SNX18: variants seen among roughly 807,000 people sequenced by gnomAD.
SNX18 encodes the protein sorting nexin 18.
A neutral mutation model predicts 48.7 loss-of-function variants in SNX18; 35 were observed. The observed-to-expected ratio is 0.72, with a 90% CI of 0.55 to 0.95. The LOEUF (loss-of-function observed/expected upper bound fraction) is 0.95. SNX18 is among the 40% of genes least tolerant of loss of function. The pLI is 0.00. For missense variants in SNX18, 824 were observed against 871.0 expected, an observed-to-expected ratio of 0.95 and a Z score of 0.68; for synonymous variants, 492 against 384.7, an observed-to-expected ratio of 1.28 and a Z score of -3.26.
At chr5:54,583,045 T>G in the SNX18 span, among the ~76,000 whole-genome samples, 1 of 152,246 alleles carries the variant, frequency 6.6e-6, no homozygotes, top group South Asian at 2.1e-4. Context: ...AGTCCTTCAT[T>G]GGAAATGTCC....
the SNX18 span, among the ~76,000 whole-genome samples, chr5:54,558,504 T>C: frequency 6.6e-6 from 1 of 152,292 alleles, no homozygotes; most frequent in African/African-American, 2.4e-5. Context: ...CATACATTAC[T>C]ATTCAGAGGG....
chr5:54,590,561 C>T, the SNX18 span, among the ~76,000 whole-genome samples: 4 of 152,156 alleles, frequency 2.6e-5, no homozygotes, highest in South Asian at 4.1e-4. Flanking sequence ...ATGTGGATTT[C>T]GCCCTGGTCA....
chr5:54,543,213 C>A lies in SNX18; in HGVS notation c.1656C>A (p.His552Gln). 1 of 1,613,934 alleles carries A rather than the reference C, an allele frequency of 6.2e-7. No individual in the cohort carries two copies. Among genetic ancestry groups the A allele is most frequent in the Non-Finnish European group, 8.5e-7 (1 of 1,180,000 alleles). ...CCAAAGTCAAGGAGAGTAGGCGACACGTGGAGGAAGGGAAGATGGAGGTGC... is the reference window on the plus strand; with the variant it reads ...CCAAAGTCAAGGAGAGTAGGCGACAAGTGGAGGAAGGGAAGATGGAGGTGC... ...ALTKVKESRR[H>Q]VEEGKMEVQK... is the part of the protein sequence containing the mutation. The change falls in exon 2 of 2, where the codon CAC becomes CAA. Residue 552 changes from histidine to glutamine, a missense_variant. Physicochemically the swap from His to Gln is conservative, Grantham distance 24. This residue lies in a region of SNX18 where 443 missense variants were observed against 503.6 expected (regional missense o/e 0.88). Transcript: ENST00000381410.
intron 1 of SNX18, among the ~76,000 whole-genome samples, chr5:54,538,028 G>A (rs1430663297): frequency 2.6e-5 from 4 of 152,106 alleles, no homozygotes; most frequent in African/African-American, 9.7e-5. Context: ...AGTAGTTTCC[G>A]CTTCCAACAT....
chr5:54,599,841 T>C, the SNX18 span, among the ~76,000 whole-genome samples: 1 of 152,164 alleles, frequency 6.6e-6, no homozygotes, highest in Admixed American at 6.5e-5. Flanking sequence ...TAACTCAAGA[T>C]GGATTAAAGA....
the SNX18 span, among the ~76,000 whole-genome samples, chr5:54,571,050 A>G: frequency 6.6e-6 from 1 of 152,202 alleles, no homozygotes; most frequent in East Asian, 1.9e-4. Context: ...AACATACTCT[A>G]TGCCTTATAG....
downstream of SNX18, among the ~76,000 whole-genome samples, chr5:54,550,586 T>G (rs946558993): frequency 6.6e-6 from 1 of 152,176 alleles, no homozygotes; most frequent in Non-Finnish European, 1.5e-5. Context: ...ATGCGGTAGA[T>G]GATTATTATT....
chr5:54,549,388 A>C (rs989778612), downstream of SNX18, among the ~76,000 whole-genome samples: 6 of 152,152 alleles, frequency 3.9e-5, no homozygotes. Context: ...CACTTTGCCC[A>C]CCTGGGTCAC....
the SNX18 span, among the ~76,000 whole-genome samples, chr5:54,555,300 C>G: frequency 6.6e-6 from 1 of 152,050 alleles, no homozygotes; most frequent in African/African-American, 2.4e-5. Flanking sequence ...TCCTGCCTTC[C>G]TTATTCCTCC....
At chr5:54,633,589 C>T in the SNX18 span, among the ~76,000 whole-genome samples, 403 of 152,284 alleles carry the variant, frequency 2.6e-3, 1 homozygote, top group African/African-American at 7.8e-3. Context: ...GTCTCAGTTT[C>T]TCCATCTAAA....
At chr5:54,534,897 C>T (rs181313243) in intron 1 of SNX18, among the ~76,000 whole-genome samples, 1 of 152,130 alleles carries the variant, frequency 6.6e-6, no homozygotes, top group African/African-American at 2.4e-5. Context: ...TACTGTCATT[C>T]TAGAAAAAAA....
chr5:54,634,282 C>T, the SNX18 span, among the ~76,000 whole-genome samples: 1 of 151,956 alleles, frequency 6.6e-6, no homozygotes, highest in African/African-American at 2.4e-5. Flanking sequence ...AGAAGAATTC[C>T]AAGGTGTGGC....
chr5:54,641,828 C>T, the SNX18 span, among the ~76,000 whole-genome samples: 10 of 152,158 alleles, frequency 6.6e-5, no homozygotes, highest in Non-Finnish European at 1.2e-4. Flanking sequence ...AGGTGCAACG[C>T]GGCAGCATTG....
At chr5:54,570,548 A>G in the SNX18 span, among the ~76,000 whole-genome samples, 4 of 152,210 alleles carry the variant, frequency 2.6e-5, no homozygotes, top group Admixed American at 1.3e-4. Flanking sequence ...ACGTAACCCA[A>G]TAATTAGCAT....
In SNX18 at chr5:54,520,823, G is replaced by A. The variant is rs535679261; in HGVS notation, c.1621+1250G>A. On this transcript the variant is annotated intron_variant, in intron 1 of 1. Coordinates refer to ENST00000381410, the MANE Select transcript of SNX18 (RefSeq NM_001102575.2). ...GGGGGAAGGGGCTTGCTGGGAGAAT[G>A]ATCAAACGTTTTCAGTCTTGTTGCT... 5 of 167,212 alleles carry A rather than the reference G, an allele frequency of 3.0e-5. No homozygotes were observed. The South Asian group carries it at 1.0e-3, about 35-fold the overall frequency. The allele number at this position is 167,212 out of a possible 1,614,324, so 10.4% of individuals were successfully genotyped here.
At chr5:54,551,476 C>T (rs1488335875), downstream of SNX18, among the ~76,000 whole-genome samples, 1 of 152,192 alleles carries the variant, frequency 6.6e-6, no homozygotes, top group Non-Finnish European at 1.5e-5. Context: ...CATTTTGCAA[C>T]TAATTACGTA....
At chr5:54,574,047 G>T in the SNX18 span, among the ~76,000 whole-genome samples, 1 of 152,230 alleles carries the variant, frequency 6.6e-6, no homozygotes, top group Non-Finnish European at 1.5e-5. Flanking sequence ...TACAATGTAG[G>T]CAGGGCACAG....
the SNX18 span, among the ~76,000 whole-genome samples, chr5:54,579,714 T>C: frequency 6.6e-6 from 1 of 152,160 alleles, no homozygotes; most frequent in Non-Finnish European, 1.5e-5. Flanking sequence ...AGAATTATCA[T>C]AGATTGGAAA....
the SNX18 span, among the ~76,000 whole-genome samples, chr5:54,638,505 A>T: frequency 1.9e-4 from 28 of 148,900 alleles, no homozygotes; most frequent in South Asian, 4.4e-4. Flanking sequence ...ATTTAAAAAA[A>T]TTTTTTGGTG....
Sources: gnomAD v4.1 joint callset for allele counts (sites outside exome capture counted in the v4.1 genomes callset) on GRCh38, gnomAD v4.1.1 for gene constraint, gnomAD v4.1.1 regional missense constraint, MANE v1.5 for transcripts, NCBI Gene and HGNC (gene_info 2026-07-23, HGNC 2026-07-21) for gene names.